MID1: variants seen among roughly 807,000 people sequenced by gnomAD.
MID1 encodes the protein midline 1.
In MID1, 7 loss-of-function variants were observed where a neutral mutation model predicts 40.4. The ratio of observed to expected loss-of-function variants is 0.17; its 90% CI spans 0.10 to 0.33. The LOEUF (loss-of-function observed/expected upper bound fraction) is 0.33. MID1 is among the 10% of genes least tolerant of loss of function. The pLI is 1.00. For synonymous variants in MID1, 229 were observed against 221.2 expected (o/e 1.04, Z -0.31); for missense variants, 367 against 558.5 (o/e 0.66, Z 3.46).
At chrX:10,608,963 AAGAT>A (rs1238820373) in intron 1 of MID1, among the ~76,000 whole-genome samples, 1 of 112,285 alleles carries the variant, frequency 8.9e-6, no homozygotes, top group African/African-American at 3.2e-5. Flanking sequence ...TGTAAAGAAT[AAGAT>A]AGATGAAGGA....
chrX:10,591,932 A>G (rs895535560), intron 1 of MID1, among the ~76,000 whole-genome samples: 2 of 111,194 alleles, frequency 1.8e-5, no homozygotes, highest in Non-Finnish European at 3.8e-5. Context: ...CCAGGCTATC[A>G]AAAGAAAACA....
At chrX:10,486,888 C>T (rs1192798303) in intron 4 of MID1, among the ~76,000 whole-genome samples, 1 of 111,781 alleles carries the variant, frequency 8.9e-6, no homozygotes. Context: ...CTTGCTCTGT[C>T]ACCCAGGCTG....
At chrX:10,782,834 A>G (rs1452660025) in intron 1 of MID1, among the ~76,000 whole-genome samples, 2 of 111,816 alleles carry the variant, frequency 1.8e-5, no homozygotes, top group African/African-American at 6.5e-5. Flanking sequence ...GCACTGTTCA[A>G]ACTGTGGCCC....
intron 1 of MID1, among the ~76,000 whole-genome samples, chrX:10,747,998 T>C (rs1052129885): frequency 1.8e-5 from 2 of 111,167 alleles, no homozygotes; most frequent in Non-Finnish European, 3.8e-5. Flanking sequence ...GGCATGTCAA[T>C]TTTCAATCTT....
chrX:10,483,748 G>A (rs1038384635), intron 4 of MID1, among the ~76,000 whole-genome samples: 18 of 112,069 alleles, frequency 1.6e-4, no homozygotes, highest in Non-Finnish European at 1.7e-4. Flanking sequence ...TCTCCAAGTC[G>A]TCATTACCAT....
rs1172327892 is a variant in MID1 at position 10,565,807 on chromosome X, AT to A, written c.660+1080del. On this transcript the variant is annotated intron_variant, in intron 2 of 9. Coordinates refer to ENST00000317552, the MANE Select transcript of MID1 (RefSeq NM_000381.4). ...GCTTTCTATCCATACTTAGAGAGTG[AT>A]TTTTTTTTTTTTTTTTTTTGAGAGA... Among the ~76,000 whole-genome samples the A allele has an allele frequency of 8.6e-3, 750 of 86,961 alleles. 6 individuals are homozygous for A. The highest frequency in any genetic ancestry group is 0.022 in the African/African-American group (507 of 22,647). 75.5% of individuals were successfully genotyped at this position (86,961 alleles called of 115,157 possible). A position where few individuals can be genotyped will look rare whatever the true frequency, so the allele number is the denominator to read the frequency against.
chrX:10,699,291 G>A (rs1446660143), intron 1 of MID1, among the ~76,000 whole-genome samples: 2 of 112,297 alleles, frequency 1.8e-5, no homozygotes, highest in African/African-American at 6.5e-5. Flanking sequence ...TTGACAAAAC[G>A]TGCTGCAGTT....
intron 3 of MID1, among the ~76,000 whole-genome samples, chrX:10,510,830 CAAAAAAAAAAAA>C (rs1185825614): frequency 8.4e-4 from 20 of 23,950 alleles, no homozygotes; most frequent in African/African-American, 3.1e-3. Context: ...GACTCTGTCT[CAAAAAAAAAAAA>C]AAAAAAAAAA....
intron 2 of MID1, among the ~76,000 whole-genome samples, chrX:10,562,081 G>A (rs1934360824): frequency 9.5e-6 from 1 of 105,788 alleles, no homozygotes; most frequent in Admixed American, 9.9e-5. Flanking sequence ...GGACACGGAC[G>A]AAGCTGGAAC....
intron 7 of MID1, among the ~76,000 whole-genome samples, chrX:10,462,069 G>A (rs1929075592): frequency 9.0e-6 from 1 of 111,427 alleles, no homozygotes; most frequent in African/African-American, 3.3e-5. Flanking sequence ...AAACAAAAAG[G>A]GACTCTGACT....
At chrX:10,509,160 CA>C (rs1931990597) in intron 3 of MID1, among the ~76,000 whole-genome samples, 2 of 110,984 alleles carry the variant, frequency 1.8e-5, no homozygotes, top group African/African-American at 6.6e-5. Flanking sequence ...CAGTGAAGAG[CA>C]AAGCTAATCT....
chrX:10,718,530 G>T (rs929915284), intron 1 of MID1, among the ~76,000 whole-genome samples: 4 of 111,588 alleles, frequency 3.6e-5, no homozygotes, highest in African/African-American at 1.3e-4. Flanking sequence ...ACCAATAACA[G>T]GATCTGAAAT....
chrX:10,772,012 A>G (rs1282418556), intron 1 of MID1, among the ~76,000 whole-genome samples: 1 of 110,798 alleles, frequency 9.0e-6, no homozygotes, highest in Non-Finnish European at 1.9e-5. Flanking sequence ...CCAGAGGAAA[A>G]GAAGTCATTA....
rs767470152 is a variant in MID1, at chrX:10,712,199, G to A, written c.-186-91780C>T. 2.3e-4 allele frequency among the ~76,000 whole-genome samples: 26 copies of A among 111,256 alleles called. 1 individual carries two copies. The South Asian group carries it at 3.1e-3, about 13-fold the overall frequency. On this transcript the variant is annotated intron_variant, in intron 1 of 10. Coordinates refer to the MID1 transcript ENST00000380785. Reference sequence around the variant, plus strand: ...TCAGGTGACCATCAGGTGATGGTCAGGCAGTTGTTAACTGTCTCTCTAAAA... The same window carrying A: ...TCAGGTGACCATCAGGTGATGGTCAAGCAGTTGTTAACTGTCTCTCTAAAA...
chrX:10,660,710 C>A (rs1041999616), intron 1 of MID1, among the ~76,000 whole-genome samples: 2 of 111,701 alleles, frequency 1.8e-5, no homozygotes, highest in Admixed American at 1.9e-4. Context: ...CATTTAGAGT[C>A]CAACTATGAG....
intron 7 of MID1, among the ~76,000 whole-genome samples, chrX:10,462,115 T>G (rs978633984): frequency 2.7e-5 from 3 of 112,422 alleles, no homozygotes; most frequent in Non-Finnish European, 3.8e-5. Flanking sequence ...TATTTTTTCC[T>G]TGAAAATTAA....
intron 3 of MID1, among the ~76,000 whole-genome samples, chrX:10,498,189 G>A (rs1181772607): frequency 1.8e-5 from 2 of 111,930 alleles, no homozygotes; most frequent in East Asian, 2.8e-4. Flanking sequence ...CTGCATCCTC[G>A]ACCTCTCAGG....
intron 1 of MID1, among the ~76,000 whole-genome samples, chrX:10,783,315 AT>A (rs956188741): frequency 3.6e-5 from 4 of 111,487 alleles, no homozygotes; most frequent in East Asian, 5.6e-4. Flanking sequence ...AAATTTATCC[AT>A]TTTTTAATGT....
chrX:10,806,170 T>C (rs2044045626), intron 1 of MID1, among the ~76,000 whole-genome samples: 1 of 110,507 alleles, frequency 9.0e-6, no homozygotes, highest in Admixed American at 9.7e-5. Context: ...TGAATGGTAA[T>C]GCCTAGGTTT....
Sources: allele counts gnomAD v4.1 joint callset (sites outside exome capture counted in the v4.1 genomes callset), GRCh38; gene constraint gnomAD v4.1.1; transcripts MANE v1.5; gene names NCBI Gene and HGNC (gene_info 2026-07-23, HGNC 2026-07-21).